The following RBFOX1 variants were observed in gnomAD, a reference collection of about 807,000 sequenced individuals.
RBFOX1 encodes the protein RNA binding fox-1 homolog 1, also known as RNA binding protein fox-1 homolog 1.
Under a neutral mutation model 57.7 loss-of-function variants are expected in RBFOX1, and 8 were observed. That is an observed-to-expected ratio of 0.14 (90% CI 0.08 to 0.25). The LOEUF (loss-of-function observed/expected upper bound fraction) is 0.25. RBFOX1 is among the 10% of genes least tolerant of loss of function. RBFOX1 has a pLI of 1.00. For synonymous variants in RBFOX1, 326 were observed against 222.4 expected (o/e 1.47, Z -4.15); for missense variants, 611 against 548.5 (o/e 1.11, Z -1.14).
intron 1 of RBFOX1, among the ~76,000 whole-genome samples, chr16:6,294,878 C>T (rs1223396544): frequency 3.3e-5 from 5 of 151,910 alleles, no homozygotes; most frequent in Admixed American, 2.0e-4. Flanking sequence ...CGTTCCCTAT[C>T]ATTTAAGGAG....
intron 1 of RBFOX1, among the ~76,000 whole-genome samples, chr16:6,228,337 A>G (rs527438693): frequency 6.6e-6 from 1 of 152,186 alleles, no homozygotes; most frequent in African/African-American, 2.4e-5. Flanking sequence ...ATAAAATAAA[A>G]TAAAAACTAA....
At chr16:6,970,856 G>A (rs917263101) in intron 3 of RBFOX1, among the ~76,000 whole-genome samples, 1 of 152,196 alleles carries the variant, frequency 6.6e-6, no homozygotes, top group Non-Finnish European at 1.5e-5. Flanking sequence ...ATAGAAGAAA[G>A]AAGGCTGTGC....
At chr16:7,541,661 TC>T (rs201269637) in intron 5 of RBFOX1, among the ~76,000 whole-genome samples, 9,722 of 152,276 alleles carry the variant, frequency 0.064, 489 homozygotes, top group East Asian at 0.22. Flanking sequence ...TAAAAATGTT[TC>T]GGGAAAGCTC....
intron 3 of RBFOX1, among the ~76,000 whole-genome samples, chr16:6,811,808 G>C (rs745356149): frequency 6.6e-6 from 1 of 152,202 alleles, no homozygotes; most frequent in Non-Finnish European, 1.5e-5. Context: ...AGAATCGCTT[G>C]AACCTGGGAG....
At chr16:5,390,345 A>G (rs12448392) in intron 1 of RBFOX1, among the ~76,000 whole-genome samples, 54,490 of 148,460 alleles carry the variant, frequency 0.37, 10,449 homozygotes, top group Middle Eastern at 0.41. Context: ...CTGGAGTGCA[A>G]TGGCATGATT....
At chr16:7,230,779 C>T (rs150486530) in intron 4 of RBFOX1, among the ~76,000 whole-genome samples, 3 of 152,170 alleles carry the variant, frequency 2.0e-5, no homozygotes, top group Non-Finnish European at 4.4e-5. Flanking sequence ...TTCTGCTCTT[C>T]GGACATAAAC....
At chr16:7,223,645 G>T (rs557930552) in intron 4 of RBFOX1, among the ~76,000 whole-genome samples, 46 of 148,148 alleles carry the variant, frequency 3.1e-4, no homozygotes, top group Admixed American at 1.4e-3. Context: ...ATTTATTTCA[G>T]TGTCTTATGT....
chr16:7,439,095 G>C (rs371269015), intron 4 of RBFOX1, among the ~76,000 whole-genome samples: 2 of 152,210 alleles, frequency 1.3e-5, no homozygotes, highest in African/African-American at 4.8e-5. Flanking sequence ...AGTGTGCACA[G>C]AGGAGCATGG....
intron 3 of RBFOX1, chr16:6,705,582 G>A (rs952711195): frequency 2.6e-5 from 4 of 152,164 alleles, no homozygotes; most frequent in African/African-American, 9.7e-5. Context: ...CCTTGGAGAA[G>A]CGGCTGCTTT....
chr16:5,565,761 A>G (rs1055933664), intron 2 of RBFOX1, among the ~76,000 whole-genome samples: 2 of 152,074 alleles, frequency 1.3e-5, no homozygotes, highest in Non-Finnish European at 2.9e-5. Flanking sequence ...ATCCTGAGAT[A>G]TTTTCTAGTA....
At chr16:6,122,285 G>C (rs1291952270) in intron 1 of RBFOX1, among the ~76,000 whole-genome samples, 7 of 151,572 alleles carry the variant, frequency 4.6e-5, no homozygotes, top group Admixed American at 4.6e-4. Flanking sequence ...TGAGCCTCTT[G>C]ACAGTGGGGA....
intron 2 of RBFOX1, among the ~76,000 whole-genome samples, chr16:5,556,836 T>G (rs2045696771): frequency 1.3e-5 from 2 of 152,240 alleles, no homozygotes; most frequent in Non-Finnish European, 2.9e-5. Context: ...GGCCACTGTG[T>G]ACCCTATTAC....
chr16:7,518,975 A>T (rs1472625645), intron 5 of RBFOX1, among the ~76,000 whole-genome samples: 2 of 152,258 alleles, frequency 1.3e-5, no homozygotes, highest in East Asian at 3.9e-4. Context: ...GTGAGCTAAG[A>T]TTGCTCCACT....
At chr16:5,797,440 A>T (rs899948835) in intron 3 of RBFOX1, among the ~76,000 whole-genome samples, 4 of 152,154 alleles carry the variant, frequency 2.6e-5, no homozygotes, top group Admixed American at 6.5e-5. Flanking sequence ...CTGTAACTGA[A>T]GGTGTGTTTC....
At chr16:7,087,256 G>A (rs979333316) in intron 4 of RBFOX1, among the ~76,000 whole-genome samples, 3 of 152,150 alleles carry the variant, frequency 2.0e-5, no homozygotes, top group African/African-American at 7.2e-5. Flanking sequence ...CAGAGTCACC[G>A]GCTCTGTGCA....
At chr16:5,255,724 C>A (rs1187644612) in intron 1 of RBFOX1, among the ~76,000 whole-genome samples, 1 of 151,960 alleles carries the variant, frequency 6.6e-6, no homozygotes, top group East Asian at 1.9e-4. Context: ...ATGTACGTAT[C>A]CATCCATCTG....
intron 2 of RBFOX1, among the ~76,000 whole-genome samples, chr16:6,472,573 A>T (rs2095201324): frequency 6.6e-6 from 1 of 151,708 alleles, no homozygotes; most frequent in Non-Finnish European, 1.5e-5. Context: ...CTCTCTGATG[A>T]CATTTTATTC....
At position 7,486,294 on chromosome 16, in the gene RBFOX1, G is replaced by A. The variant is rs559684922; in HGVS notation, c.28-31853G>A. Among the ~76,000 whole-genome samples the A allele has an allele frequency of 2.0e-5, 3 of 148,900 alleles. No individual in the cohort carries two copies. In the South Asian group the frequency reaches 6.4e-4, roughly 32 times the overall value. ...TCCTGAGAACCTGCCACCACGCCTGGTTCATTTTTGTTTTTTTTGGTAGAG... is the reference window on the plus strand; with the variant it reads ...TCCTGAGAACCTGCCACCACGCCTGATTCATTTTTGTTTTTTTTGGTAGAG... On this transcript the variant is annotated intron_variant, in intron 4 of 15. Coordinates refer to ENST00000550418, the MANE Select transcript of RBFOX1 (RefSeq NM_018723.4).
At chr16:6,131,074 T>C (rs2096626386) in intron 1 of RBFOX1, among the ~76,000 whole-genome samples, 1 of 152,158 alleles carries the variant, frequency 6.6e-6, no homozygotes, top group African/African-American at 2.4e-5. Context: ...ATGTTTCCAT[T>C]TATATGATGC....
Sources: allele counts gnomAD v4.1 joint callset (sites outside exome capture counted in the v4.1 genomes callset), GRCh38; gene constraint gnomAD v4.1.1; transcripts MANE v1.5; gene names NCBI Gene and HGNC (gene_info 2026-07-23, HGNC 2026-07-21).